CDC20B: variants seen among roughly 807,000 people sequenced by gnomAD.
CDC20B encodes cell division cycle protein 20 homolog B.
CDC20B carries 58 observed loss-of-function variants against 64.1 expected under a neutral mutation model. The ratio of observed to expected loss-of-function variants is 0.90; its 90% CI spans 0.73 to 1.13. CDC20B has a LOEUF of 1.13. Ranked by LOEUF, CDC20B falls within the 50% of genes most tolerant of loss-of-function variation. The pLI is 0.00. For synonymous variants in CDC20B, 243 were observed against 230.6 expected (o/e 1.05, Z -0.49); for missense variants, 597 against 633.0 (o/e 0.94, Z 0.61).
chr5:55,164,338 T>C (rs10059517), intron 2 of CDC20B: 58,216 of 596,632 alleles, frequency 0.098, 3,474 homozygotes, highest in East Asian at 0.24. Context: ...AGTGCAGTAG[T>C]GCGTTCTCAG....
chr5:55,143,506 T>C lies in CDC20B; in HGVS notation c.486+7A>G. The C allele has an allele frequency of 6.3e-7, 1 of 1,583,280 alleles. No homozygotes were observed. The highest frequency in any genetic ancestry group is 2.2e-5 in the East Asian group (1 of 44,502). On this transcript the variant is annotated splice_region_variant and intron_variant, in intron 4 of 11. Coordinates refer to ENST00000381375, the MANE Select transcript of CDC20B (RefSeq NM_001170402.1). Reference sequence around the variant, plus strand: ...GTGGGATCTTCAGTTTTTTTCTCTTTACCTACCTGCCCTTTTGAGGCAACA... The same window carrying C: ...GTGGGATCTTCAGTTTTTTTCTCTTCACCTACCTGCCCTTTTGAGGCAACA...
In CDC20B at chr5:55,172,627, G is replaced by A. The variant is rs373740107; in HGVS notation, c.87C>T (p.Ser29=). 1 of 1,613,126 alleles carries A rather than the reference G, an allele frequency of 6.2e-7. No individual in the cohort carries two copies. Among genetic ancestry groups the A allele is most frequent in the Non-Finnish European group, 8.5e-7 (1 of 1,179,228 alleles). The change falls in exon 2 of 12, where the codon TCC becomes TCT. Residue 29 remains serine, a synonymous_variant. Transcript: ENST00000381375. ...GACTTCTCTTCTGCTTCAAGTCTTT[G>A]GAGAGCACACGCATGATACTTTCCT... The part of the protein sequence containing the change: ...MLWESIMRVL[S]KDLKQKRSQD...
intron 7 of CDC20B, 68 bp from the exon 8 acceptor site, chr5:55,127,419 C>T: frequency 8.0e-7 from 1 of 1,246,834 alleles, no homozygotes. Flanking sequence ...TCTCAAAGGC[C>T]TGAGAGCCAA....
rs920370049 is a variant in CDC20B at position 55,114,343 on chromosome 5, C to T, written c.1460-25G>A. On this transcript the variant is annotated intron_variant, in intron 11 of 11. Transcript: ENST00000381375. This position sits in a 1 kb window ranked among gnomAD's most constrained non-coding sequence, Gnocchi z 4.1. ...CCTGGGGGAAGAAGGAAAGACAGTT[C>T]ATACTCCTCCACGTTACATGGGCTG... 1.2e-6 allele frequency: 2 copies of T among 1,611,786 alleles called. No homozygotes were observed. The highest frequency in any genetic ancestry group is 2.7e-5 in the African/African-American group (2 of 74,868).
chr5:55,152,709 G>C (rs1464724558), intron 2 of CDC20B, among the ~76,000 whole-genome samples: 1 of 152,102 alleles, frequency 6.6e-6, no homozygotes, highest in Non-Finnish European at 1.5e-5. Flanking sequence ...CTAAAAAGCA[G>C]GTCTGCTCAT....
intron 2 of CDC20B, among the ~76,000 whole-genome samples, chr5:55,159,261 C>T (rs1445135904): frequency 2.6e-5 from 4 of 152,208 alleles, no homozygotes; most frequent in Non-Finnish European, 5.9e-5. Flanking sequence ...AAGTGATCCT[C>T]CCATCTAGGC....
intron 6 of CDC20B, among the ~76,000 whole-genome samples, chr5:55,129,296 T>C (rs1473864159): frequency 1.3e-5 from 2 of 152,026 alleles, no homozygotes; most frequent in African/African-American, 2.4e-5. Flanking sequence ...CTGAATGAAA[T>C]ATAAAAAACA....
Position 55,119,854 on chromosome 5 carries a change from T to C in CDC20B, c.1406A>G (p.Asn469Ser), listed in dbSNP as rs78917332. ...EIATGQGTPKNDVTVWTCPTV... is the reference protein window; with the variant it reads ...EIATGQGTPKSDVTVWTCPTV... ...GGGACAGGTCCACACAGTCACATCA[T>C]TCTTGGGAGTACCTTGACCAGTTGC... Residue 469 changes from asparagine to serine, a missense_variant, in exon 11 of 12, where the codon AAT (asparagine) becomes AGT (serine). By Grantham distance (46) the Asn-to-Ser change is conservative. Around this residue, in one of 3 missense-constraint regions of CDC20B, gnomAD observed 353 missense variants for 397.0 expected, o/e 0.89. Coordinates refer to ENST00000381375, the MANE Select transcript of CDC20B (RefSeq NM_001170402.1). 1.4e-5 allele frequency: 23 copies of C among 1,613,982 alleles called. No individual in the cohort carries two copies. Among genetic ancestry groups the C allele is most frequent in the Non-Finnish European group, 1.9e-5 (23 of 1,179,950 alleles).
intron 3 of CDC20B, among the ~76,000 whole-genome samples, chr5:55,144,848 C>T (rs1187525579): frequency 6.6e-6 from 1 of 152,102 alleles, no homozygotes; most frequent in African/African-American, 2.4e-5. Flanking sequence ...GAAAATGAAC[C>T]TCTCTGTAAA....
In CDC20B at chr5:55,119,368, A is replaced by C. The variant is rs552135856; in HGVS notation, c.1459+433T>G. Among the ~76,000 whole-genome samples, 274 of 152,314 alleles carry C rather than the reference A, an allele frequency of 1.8e-3. 1 individual carries two copies. The highest frequency in any genetic ancestry group is 6.0e-3 in the African/African-American group (250 of 41,568). On this transcript the variant is annotated intron_variant, in intron 11 of 11. Coordinates refer to ENST00000381375, the MANE Select transcript of CDC20B (RefSeq NM_001170402.1). ...AAGTTTGTAGAACGAAGCTGAGAAG[A>C]GTAGTGGTCTACCTTGAAAGGGCAG...
At chr5:55,119,755 T>C (rs1742711597) in intron 11 of CDC20B, 46 bp downstream of exon 11, 1 of 1,149,006 alleles carries the variant, frequency 8.7e-7, no homozygotes, top group African/African-American at 1.5e-5. Context: ...CAACAACAGC[T>C]CACTTTGCTA....
intron 3 of CDC20B, among the ~76,000 whole-genome samples, chr5:55,146,322 C>T (rs1322418635): frequency 6.6e-6 from 1 of 152,200 alleles, no homozygotes; most frequent in Non-Finnish European, 1.5e-5. Flanking sequence ...TCCATAAATG[C>T]TGCCCGCCCC....
At chr5:55,134,329 T>TA (rs1031590927) in intron 5 of CDC20B, among the ~76,000 whole-genome samples, 2 of 152,152 alleles carry the variant, frequency 1.3e-5, no homozygotes, top group Non-Finnish European at 2.9e-5. Flanking sequence ...ACCAAATTGT[T>TA]ACTCATAAAT....
At chr5:55,118,934 G>T (rs1179000885) in intron 11 of CDC20B, among the ~76,000 whole-genome samples, 1 of 152,154 alleles carries the variant, frequency 6.6e-6, no homozygotes, top group Non-Finnish European at 1.5e-5. Context: ...TTTTCTGCAT[G>T]TCTCCTCTCA....
In CDC20B at chr5:55,168,571, T is replaced by TCCTTC. The variant is rs1420726049; in HGVS notation, c.126+4012_126+4016dup. Among the ~76,000 whole-genome samples the TCCTTC allele has an allele frequency of 7.2e-5, 11 of 152,148 alleles. No homozygotes were observed. In the East Asian group the frequency reaches 1.3e-3, roughly 19 times the overall value. ...TTAACATATTTTTATTTCATTCCATTCCTTCCCTCTTTTCTCATCATCTCG... is the reference window on the plus strand; with the variant it reads ...TTAACATATTTTTATTTCATTCCATTCCTTCCCTTCCCTCTTTTCTCATCATCTCG... On this transcript the variant is annotated intron_variant, in intron 2 of 11. Coordinates refer to ENST00000381375, the MANE Select transcript of CDC20B (RefSeq NM_001170402.1).
intron 5 of CDC20B, chr5:55,137,405 T>G (rs1167870782): frequency 2.7e-6 from 1 of 375,712 alleles, no homozygotes; most frequent in African/African-American, 2.1e-5. Context: ...TCATTAGATA[T>G]GGACAAGGCA....
In CDC20B at chr5:55,120,535, G is replaced by A; in HGVS notation, c.1231C>T (p.Pro411Ser). Residue 411 changes from proline to serine, a missense_variant, in exon 10 of 12, where the codon CCC (proline) becomes TCC (serine). Physicochemically the swap from Pro to Ser is moderately conservative, Grantham distance 74. Around this residue, in one of 3 missense-constraint regions of CDC20B, gnomAD observed 353 missense variants for 397.0 expected, o/e 0.89. Coordinates refer to ENST00000381375, the MANE Select transcript of CDC20B (RefSeq NM_001170402.1). ...STAVKAMDWC[P>S]WQSGVLAIGG... ...ATGGCAAGGACCCCAGACTGCCAGG[G>A]ACACCAATCCATGGCCTTTAAAGTT... 1 of 1,613,642 alleles carries A rather than the reference G, an allele frequency of 6.2e-7. No homozygotes were observed. Among genetic ancestry groups the A allele is most frequent in the Non-Finnish European group, 8.5e-7 (1 of 1,179,728 alleles).
intron 2 of CDC20B, among the ~76,000 whole-genome samples, chr5:55,167,295 A>C (rs533959693): frequency 3.3e-5 from 5 of 152,254 alleles, no homozygotes; most frequent in Non-Finnish European, 5.9e-5. Context: ...AATTTGGCTG[A>C]AATGTGCCCT....
intron 5 of CDC20B, chr5:55,137,599 C>G (rs1476091838): frequency 1.5e-5 from 7 of 456,620 alleles, no homozygotes; most frequent in Middle Eastern, 3.2e-4. Flanking sequence ...CAACATCCTC[C>G]TGTTCAAATC....
Sources: allele counts gnomAD v4.1 joint callset (sites outside exome capture counted in the v4.1 genomes callset), GRCh38; gene constraint gnomAD v4.1.1; regional missense constraint gnomAD v4.1.1; non-coding constraint Gnocchi (gnomAD v3.1); transcripts MANE v1.5; gene names NCBI Gene and HGNC (gene_info 2026-07-23, HGNC 2026-07-21).